Variants in PUDP observed in about 807,000 individuals in gnomAD.
PUDP encodes the protein pseudouridine-5'-phosphatase.
In PUDP, 8 loss-of-function variants were observed where a neutral mutation model predicts 9.4. The observed-to-expected ratio is 0.85, with a 90% CI of 0.50 to 1.53. PUDP has a LOEUF of 1.53. Ranked by LOEUF, PUDP falls within the 40% of genes most tolerant of loss-of-function variation. The pLI, the probability that PUDP is intolerant of heterozygous loss-of-function variation, is 0.00. For synonymous variants in PUDP, 99 were observed against 80.7 expected (o/e 1.23, Z -1.22); for missense variants, 188 against 189.7 (o/e 0.99, Z 0.05).
At chrX:7,081,742 C>T (rs1283731039) in intron 2 of PUDP, among the ~76,000 whole-genome samples, 1 of 112,935 alleles carries the variant, frequency 8.9e-6, no homozygotes, top group African/African-American at 3.2e-5. Context: ...CTTTGGGCCT[C>T]AATTTTGTCA....
chrX:7,062,283 C>G (rs1250520229), intron 3 of PUDP, among the ~76,000 whole-genome samples: 1 of 111,551 alleles, frequency 9.0e-6, no homozygotes, highest in Non-Finnish European at 1.9e-5. Context: ...CTAATACAGG[C>G]CCACTGTGGG....
chrX:6,817,847 C>A (rs1037119613), intron 3 of PUDP, among the ~76,000 whole-genome samples: 2 of 111,368 alleles, frequency 1.8e-5, no homozygotes, highest in African/African-American at 6.5e-5. Flanking sequence ...AAAATAAAAC[C>A]AAAAGGGATG....
intron 3 of PUDP, among the ~76,000 whole-genome samples, chrX:6,832,316 G>A (rs1306984894): frequency 8.9e-6 from 1 of 111,844 alleles, no homozygotes; most frequent in Non-Finnish European, 1.9e-5. Context: ...AAAGATGGGT[G>A]TAATTTTGGA....
intron 3 of PUDP, among the ~76,000 whole-genome samples, chrX:6,890,251 T>C (rs1927492679): frequency 1.8e-5 from 2 of 111,987 alleles, no homozygotes; most frequent in Admixed American, 1.9e-4. Flanking sequence ...CCTTTAACTA[T>C]TCACTGGTGG....
chrX:7,000,738 C>T (rs907303162), intron 1 of PUDP, among the ~76,000 whole-genome samples: 4 of 108,434 alleles, frequency 3.7e-5, no homozygotes, highest in African/African-American at 1.3e-4. Context: ...ACTATTTATT[C>T]CTGATTTTTT....
chrX:7,055,789 AAAG>A (rs62715663), intron 3 of PUDP, among the ~76,000 whole-genome samples: 26,989 of 111,194 alleles, frequency 0.24, 2,606 homozygotes, highest in Admixed American at 0.4. Context: ...TCAAAAAAAG[AAAG>A]AAGAATATAA....
At chrX:7,045,237 G>A (rs998399323), downstream of PUDP, among the ~76,000 whole-genome samples, 2 of 112,678 alleles carry the variant, frequency 1.8e-5, no homozygotes, top group African/African-American at 6.5e-5. Flanking sequence ...ATGATTGTAA[G>A]TTTCCTGTGG....
intron 3 of PUDP, among the ~76,000 whole-genome samples, chrX:6,911,731 T>G (rs1927852670): frequency 8.9e-6 from 1 of 112,335 alleles, no homozygotes. Flanking sequence ...ATTTGTCAAG[T>G]ATTTATTTGC....
At chrX:6,958,804 G>T (rs1038891584) in intron 3 of PUDP, among the ~76,000 whole-genome samples, 1 of 108,535 alleles carries the variant, frequency 9.2e-6, no homozygotes, top group Non-Finnish European at 1.9e-5. Flanking sequence ...AGATGGAAAT[G>T]AGGAACAACT....
At chrX:6,874,018 C>T (rs1261995923) in intron 3 of PUDP, among the ~76,000 whole-genome samples, 3 of 110,421 alleles carry the variant, frequency 2.7e-5, no homozygotes, top group Admixed American at 9.7e-5. Context: ...TGCAGCCACT[C>T]GGGAGGCTGA....
At chrX:6,985,838 A>G (rs1004667544) in intron 1 of PUDP, among the ~76,000 whole-genome samples, 2 of 111,776 alleles carry the variant, frequency 1.8e-5, no homozygotes, top group South Asian at 7.6e-4. Context: ...GGATCTGGGT[A>G]AAATAAGGCT....
chrX:6,916,554 G>A (rs1927938246), intron 3 of PUDP, among the ~76,000 whole-genome samples: 1 of 110,660 alleles, frequency 9.0e-6, no homozygotes, highest in Admixed American at 9.7e-5. Flanking sequence ...TGTTTCCCTC[G>A]TCTTTACTCC....
chrX:6,811,526 G>C (rs1191332656), intron 3 of PUDP, among the ~76,000 whole-genome samples: 1 of 111,011 alleles, frequency 9.0e-6, no homozygotes, highest in Non-Finnish European at 1.9e-5. Flanking sequence ...TATTGTCCAG[G>C]CTGGTCTCAA....
intron 3 of PUDP, among the ~76,000 whole-genome samples, chrX:6,910,060 T>C (rs1927826665): frequency 8.9e-6 from 1 of 111,894 alleles, no homozygotes; most frequent in Admixed American, 9.5e-5. Flanking sequence ...GTGGAGATGA[T>C]GGAAACAGCT....
chrX:6,949,734 C>A (rs1928520873), intron 3 of PUDP, among the ~76,000 whole-genome samples: 1 of 112,365 alleles, frequency 8.9e-6, no homozygotes, highest in South Asian at 3.6e-4. Flanking sequence ...CTTTTTAACA[C>A]AACACACATG....
chrX:7,003,952 T>C (rs1929365385), intron 1 of PUDP, among the ~76,000 whole-genome samples: 1 of 111,444 alleles, frequency 9.0e-6, no homozygotes, highest in African/African-American at 3.3e-5. Context: ...TCTCAGCTCA[T>C]TGCAACCTGT....
chrX:6,910,315 T>C (rs1927830787), intron 3 of PUDP, among the ~76,000 whole-genome samples: 1 of 112,153 alleles, frequency 8.9e-6, no homozygotes, highest in South Asian at 3.7e-4. Flanking sequence ...TTCAGCAGAT[T>C]AAACTTGGCC....
intron 3 of PUDP, among the ~76,000 whole-genome samples, chrX:6,866,465 T>C (rs962785121): frequency 6.3e-5 from 7 of 111,371 alleles, no homozygotes; most frequent in African/African-American, 2.3e-4. Context: ...ATTTCACCCA[T>C]TGGTATTTAT....
intron 1 of PUDP, among the ~76,000 whole-genome samples, chrX:7,139,327 A>G (rs1356188864): frequency 8.9e-6 from 1 of 111,934 alleles, no homozygotes. Context: ...GCAATTAGTC[A>G]TTGGGGGCTA....
Sources: gnomAD v4.1 joint callset for allele counts (sites outside exome capture counted in the v4.1 genomes callset) on GRCh38, gnomAD v4.1.1 for gene constraint, MANE v1.5 for transcripts, NCBI Gene and HGNC (gene_info 2026-07-23, HGNC 2026-07-21) for gene names.